DAB1: variants seen among roughly 807,000 people sequenced by gnomAD.
DAB1 encodes disabled homolog 1.
In DAB1, 15 loss-of-function variants were observed where a neutral mutation model predicts 64.6. The ratio of observed to expected loss-of-function variants is 0.23; its 90% CI spans 0.16 to 0.36. The LOEUF (loss-of-function observed/expected upper bound fraction) is 0.36. Among genes scored for constraint, DAB1 ranks in the 10% least tolerant of loss-of-function variants. The probability of loss-of-function intolerance (pLI) is 1.00; values close to 1 mark genes in which losing one functional copy is unlikely to be tolerated. For missense variants in DAB1, 596 were observed against 706.7 expected (o/e 0.84, Z 1.78); for synonymous variants, 235 against 251.9 (o/e 0.93, Z 0.64).
chr1:57,689,376 G>A (rs1432683479), intron 6 of DAB1, among the ~76,000 whole-genome samples: 1 of 152,180 alleles, frequency 6.6e-6, no homozygotes, highest in East Asian at 1.9e-4. Flanking sequence ...GGTGATAATG[G>A]GGTTTAAAAG....
intron 3 of DAB1, among the ~76,000 whole-genome samples, chr1:58,465,586 C>T (rs1295557149): frequency 6.6e-6 from 1 of 152,124 alleles, no homozygotes; most frequent in African/African-American, 2.4e-5. Context: ...GGATTTAGGA[C>T]ACAGTGAGGT....
At chr1:57,186,619 G>C (rs1012650851) in intron 2 of DAB1, among the ~76,000 whole-genome samples, 1 of 152,160 alleles carries the variant, frequency 6.6e-6, no homozygotes, top group Non-Finnish European at 1.5e-5. Flanking sequence ...GGACCCTTAT[G>C]AATATCCAAC....
chr1:58,241,448 G>T (rs1660294586), intron 4 of DAB1, among the ~76,000 whole-genome samples: 1 of 151,944 alleles, frequency 6.6e-6, no homozygotes, highest in Non-Finnish European at 1.5e-5. Flanking sequence ...CAATGTCCTG[G>T]AGATGAATCA....
At position 57,473,212 on chromosome 1, in the gene DAB1, G is replaced by A. The variant is rs560486645; in HGVS notation, n.625+176380C>T. On this transcript the variant is annotated intron_variant and non_coding_transcript_variant, in intron 7 of 20. Transcript: ENST00000485760. ...TAATTCTGGGCAAGTTAAACTCTTT[G>A]GGCCTTGTTCCTCATTTAATAGATG... is the stretch of plus-strand genomic sequence containing the variant. 4.6e-5 allele frequency among the ~76,000 whole-genome samples: 7 copies of A among 152,254 alleles called. No homozygotes were observed. The South Asian group carries it at 1.0e-3, about 23-fold the overall frequency.
chr1:58,300,630 G>C (rs867823397), intron 4 of DAB1, among the ~76,000 whole-genome samples: 1,262 of 70,758 alleles, frequency 0.018, 40 homozygotes, highest in African/African-American at 0.033. Context: ...GAGAGAGAGA[G>C]AGAGAGAGAG....
At chr1:57,645,953 G>A (rs1266631221) in intron 7 of DAB1, among the ~76,000 whole-genome samples, 1 of 151,948 alleles carries the variant, frequency 6.6e-6, no homozygotes, top group African/African-American at 2.4e-5. Flanking sequence ...TAAGAATGAA[G>A]AAGAAAAGTA....
chr1:58,113,750 G>A (rs960587762), intron 5 of DAB1, among the ~76,000 whole-genome samples: 15 of 152,122 alleles, frequency 9.9e-5, no homozygotes, highest in African/African-American at 3.6e-4. Context: ...AAGTATAGAA[G>A]GTCCTTGAAG....
At chr1:57,925,062 T>G (rs1447143736) in intron 5 of DAB1, among the ~76,000 whole-genome samples, 1 of 152,166 alleles carries the variant, frequency 6.6e-6, no homozygotes, top group Admixed American at 6.5e-5. Context: ...ATCAGGTTGT[T>G]AAATACAGAA....
chr1:57,398,801 C>T (rs1007225588), intron 1 of DAB1, among the ~76,000 whole-genome samples: 2 of 152,198 alleles, frequency 1.3e-5, no homozygotes, highest in African/African-American at 4.8e-5. Flanking sequence ...TTGGGGACAG[C>T]CATACTGAAG....
At chr1:57,231,349 A>G (rs1667665134) in intron 2 of DAB1, among the ~76,000 whole-genome samples, 1 of 152,200 alleles carries the variant, frequency 6.6e-6, no homozygotes, top group South Asian at 2.1e-4. Context: ...AGATATAACT[A>G]TACTGTATTG....
chr1:57,485,939 A>G (rs1317091318), intron 7 of DAB1, among the ~76,000 whole-genome samples: 1 of 152,102 alleles, frequency 6.6e-6, no homozygotes, highest in East Asian at 1.9e-4. Context: ...AGCTTGCTGC[A>G]TTTCTTTTTT....
chr1:57,010,904 A>C (rs1474607591), intron 13 of DAB1, 114 bp from the exon 14 acceptor site: 1 of 918,734 alleles, frequency 1.1e-6, no homozygotes, highest in African/African-American at 1.7e-5. Flanking sequence ...GGAGGGTGCA[A>C]CGGCATTTAG....
intron 1 of DAB1, among the ~76,000 whole-genome samples, chr1:57,344,594 C>T (rs1038176612): frequency 1.3e-5 from 2 of 151,930 alleles, no homozygotes; most frequent in African/African-American, 2.4e-5. Context: ...CCTGATGAAT[C>T]GAGGCGAAGG....
intron 4 of DAB1, among the ~76,000 whole-genome samples, chr1:58,198,942 C>T (rs11800753): frequency 4.6e-5 from 7 of 152,088 alleles, no homozygotes; most frequent in African/African-American, 1.7e-4. Flanking sequence ...TTCATCTCTA[C>T]TAAAAATACA....
chr1:57,402,056 A>G (rs1683284939), intron 1 of DAB1, among the ~76,000 whole-genome samples: 2 of 152,222 alleles, frequency 1.3e-5, no homozygotes, highest in Admixed American at 1.3e-4. Flanking sequence ...TCTTGCCACA[A>G]TGAAAATGAG....
chr1:57,219,950 T>G (rs1210380129), intron 2 of DAB1, among the ~76,000 whole-genome samples: 1 of 152,172 alleles, frequency 6.6e-6, no homozygotes, highest in East Asian at 1.9e-4. Flanking sequence ...TGTGTGCTGT[T>G]TAAAGCCACT....
intron 6 of DAB1, among the ~76,000 whole-genome samples, chr1:57,811,368 T>C (rs1462636042): frequency 6.6e-6 from 1 of 152,196 alleles, no homozygotes; most frequent in Non-Finnish European, 1.5e-5. Context: ...TCCTGAGATC[T>C]GGTTGTTTAA....
At chr1:57,950,689 C>A (rs1307397144) in intron 5 of DAB1, among the ~76,000 whole-genome samples, 1 of 152,164 alleles carries the variant, frequency 6.6e-6, no homozygotes, top group East Asian at 1.9e-4. Flanking sequence ...GCCTGGAATA[C>A]CCTCTCTGTC....
Position 58,267,046 on chromosome 1 carries a change from T to G in DAB1, n.309+76306A>C, listed in dbSNP as rs1171823172. Reference sequence around the variant, plus strand: ...AACAGCCTGACCAATATGGTGAAACTCTGTCTCTACTAAAAATACAAAAAT... The same window carrying G: ...AACAGCCTGACCAATATGGTGAAACGCTGTCTCTACTAAAAATACAAAAAT... On this transcript the variant is annotated intron_variant and non_coding_transcript_variant, in intron 4 of 20. Coordinates refer to the DAB1 transcript ENST00000485760. Among the ~76,000 whole-genome samples, 3 of 152,036 alleles carry G rather than the reference T, an allele frequency of 2.0e-5. No homozygotes were observed. In the East Asian group the frequency reaches 5.8e-4, roughly 29 times the overall value.
Sources: allele counts gnomAD v4.1 joint callset (sites outside exome capture counted in the v4.1 genomes callset), GRCh38; gene constraint gnomAD v4.1.1; transcripts MANE v1.5; gene names NCBI Gene and HGNC (gene_info 2026-07-23, HGNC 2026-07-21).